DMD: variants seen among roughly 807,000 people sequenced by gnomAD.
DMD encodes the protein dystrophin.
DMD carries 63 observed loss-of-function variants against 330.1 expected under a neutral mutation model. The observed-to-expected ratio is 0.19, with a 90% confidence interval of 0.16 to 0.24. The LOEUF is 0.24. DMD is among the 10% of genes least tolerant of loss of function. The pLI is 1.00. For synonymous variants in DMD, 1,223 were observed against 959.8 expected (o/e 1.27, Z -5.07); for missense variants, 3,344 against 2,684.1 (o/e 1.25, Z -5.43).
intron 44 of DMD, among the ~76,000 whole-genome samples, chrX:31,987,517 A>C (rs191059424): frequency 2.1e-4 from 24 of 111,731 alleles, no homozygotes; most frequent in African/African-American, 7.5e-4. Flanking sequence ...CGATGTTTTT[A>C]GATTGTGCAT....
At chrX:32,235,712 G>T (rs1413906528) in intron 43 of DMD, among the ~76,000 whole-genome samples, 2 of 110,746 alleles carry the variant, frequency 1.8e-5, no homozygotes, top group Non-Finnish European at 3.8e-5. Context: ...ATGTACAAAA[G>T]GTAAATAAAA....
chrX:32,468,442 G>A (rs1603634196), intron 23 of DMD, 56 bp downstream of exon 23: 6 of 1,037,362 alleles, frequency 5.8e-6, no homozygotes, highest in Middle Eastern at 3.3e-4. Flanking sequence ...ACAGTGTATC[G>A]TTAGGGAAAA....
chrX:31,884,377 A>G (rs980315789), intron 47 of DMD, among the ~76,000 whole-genome samples: 5 of 111,877 alleles, frequency 4.5e-5, no homozygotes, highest in Admixed American at 9.5e-5. Context: ...CATGATGTCA[A>G]GTGAAATAAG....
intron 44 of DMD, among the ~76,000 whole-genome samples, chrX:32,105,569 C>T (rs2096560619): frequency 8.9e-6 from 1 of 111,944 alleles, no homozygotes; most frequent in South Asian, 3.7e-4. Context: ...TCTTCTAAAA[C>T]AATCATATTA....
intron 44 of DMD, among the ~76,000 whole-genome samples, chrX:32,211,891 G>T (rs1431423199): frequency 2.7e-5 from 3 of 111,584 alleles, no homozygotes; most frequent in Non-Finnish European, 5.7e-5. Context: ...GTTTCTACTG[G>T]CAACTACAAA....
chrX:32,230,239 G>A (rs991127747), intron 43 of DMD, among the ~76,000 whole-genome samples: 1 of 111,199 alleles, frequency 9.0e-6, no homozygotes, highest in African/African-American at 3.3e-5. Flanking sequence ...TTTTTGTTTT[G>A]TTTTGTTTTG....
chrX:31,795,803 C>T (rs778662384), intron 50 of DMD, among the ~76,000 whole-genome samples: 1 of 111,700 alleles, frequency 9.0e-6, no homozygotes, highest in South Asian at 3.8e-4. Context: ...ATGCATTCCC[C>T]TGGAGGACTA....
At chrX:31,815,581 T>TCACTGAAA (rs1569447954) in intron 50 of DMD, among the ~76,000 whole-genome samples, 152 of 112,085 alleles carry the variant, frequency 1.4e-3, no homozygotes, top group African/African-American at 4.9e-3. Context: ...TTTTTGAGAA[T>TCACTGAAA]TAAGTTGGAT....
chrX:32,111,153 C>T (rs1323060546), intron 44 of DMD, among the ~76,000 whole-genome samples: 3 of 111,917 alleles, frequency 2.7e-5, no homozygotes, highest in Admixed American at 9.5e-5. Flanking sequence ...TTTTCACATA[C>T]GCATGCAGCA....
chrX:31,479,929 C>T (rs772951182), intron 57 of DMD, among the ~76,000 whole-genome samples: 34 of 111,737 alleles, frequency 3.0e-4, no homozygotes, highest in African/African-American at 9.7e-4. Flanking sequence ...TGAGGTATAC[C>T]GTGAGCCTAG....
At chrX:31,310,206 C>CATAT (rs3032561) in intron 62 of DMD, among the ~76,000 whole-genome samples, 43 of 36,176 alleles carry the variant, frequency 1.2e-3, no homozygotes, top group East Asian at 4.2e-3. Flanking sequence ...TCTCTCTCTC[C>CATAT]ATATATATAT....
At chrX:32,686,117 T>A (rs2062841200) in intron 9 of DMD, among the ~76,000 whole-genome samples, 2 of 111,976 alleles carry the variant, frequency 1.8e-5, no homozygotes, top group Non-Finnish European at 1.9e-5. Flanking sequence ...GGTAACAAGT[T>A]TATGTTGATT....
At chrX:33,106,122 G>A (rs1338162636) in intron 1 of DMD, among the ~76,000 whole-genome samples, 2 of 108,990 alleles carry the variant, frequency 1.8e-5, no homozygotes, top group Non-Finnish European at 3.8e-5. Context: ...ATGAAATAAC[G>A]TCTTCTGCAG....
intron 55 of DMD, among the ~76,000 whole-genome samples, chrX:31,547,552 C>A (rs1360731442): frequency 2.7e-5 from 3 of 111,787 alleles, no homozygotes; most frequent in African/African-American, 9.7e-5. Flanking sequence ...TTGCCCTGTA[C>A]TCTCTTAGTC....
intron 1 of DMD, among the ~76,000 whole-genome samples, chrX:33,225,794 A>G (rs2052276080): frequency 9.0e-6 from 1 of 110,863 alleles, no homozygotes; most frequent in Admixed American, 9.7e-5. Context: ...ACATCGAGAA[A>G]AATACCTGCA....
chrX:31,446,475 C>CA (rs11316166), intron 59 of DMD, among the ~76,000 whole-genome samples: 47 of 106,229 alleles, frequency 4.4e-4, no homozygotes, highest in Non-Finnish European at 4.5e-4. Flanking sequence ...CATACACATG[C>CA]AAAAAAAAAA....
chrX:31,806,546 T>C (rs17338758), intron 50 of DMD, among the ~76,000 whole-genome samples: 14,335 of 112,563 alleles, frequency 0.13, 657 homozygotes, highest in East Asian at 0.19. Flanking sequence ...TTTCAGTTGA[T>C]ATTCATGTGA....
At chrX:33,110,755 T>G (rs143837183) in intron 1 of DMD, among the ~76,000 whole-genome samples, 67 of 110,784 alleles carry the variant, frequency 6.0e-4, no homozygotes, top group African/African-American at 2.1e-3. Flanking sequence ...AGGGCAGAGT[T>G]TTTATTTGTT....
chrX:32,043,796 T>A (rs891121627), intron 44 of DMD, among the ~76,000 whole-genome samples: 2 of 112,307 alleles, frequency 1.8e-5, no homozygotes, highest in Non-Finnish European at 3.8e-5. Flanking sequence ...TGTATTTTAA[T>A]CATTATAATC....
Sources: allele counts gnomAD v4.1 joint callset (sites outside exome capture counted in the v4.1 genomes callset), GRCh38; gene constraint gnomAD v4.1.1; transcripts MANE v1.5; gene names NCBI Gene and HGNC (gene_info 2026-07-23, HGNC 2026-07-21).